Variants in TAOK3 observed in about 807,000 individuals in gnomAD.
TAOK3 encodes serine/threonine-protein kinase TAO3.
A neutral mutation model predicts 120.4 loss-of-function variants in TAOK3; 40 were observed. The ratio of observed to expected loss-of-function variants is 0.33; its 90% confidence interval spans 0.26 to 0.43. The LOEUF (loss-of-function observed/expected upper bound fraction) is 0.43. Among genes scored for constraint, TAOK3 ranks in the 20% least tolerant of loss-of-function variants. TAOK3 has a pLI of 1.00. For synonymous variants in TAOK3, 355 were observed against 387.5 expected, an observed-to-expected ratio of 0.92 and a Z score of 0.99; for missense variants, 821 against 1,112.1, an observed-to-expected ratio of 0.74 and a Z score of 3.72.
chr12:118,246,007 T>C (rs867727732), intron 3 of TAOK3: 18 of 606,054 alleles, frequency 3.0e-5, no homozygotes, highest in Middle Eastern at 4.4e-4. Context: ...AATCCAATTT[T>C]TGCAAAATAG....
intron 1 of TAOK3, among the ~76,000 whole-genome samples, chr12:118,277,929 G>A (rs535422483): frequency 2.8e-4 from 43 of 152,156 alleles, no homozygotes; most frequent in African/African-American, 9.9e-4. Flanking sequence ...TGGGTACAAA[G>A]GTCAACACCT....
rs1318888018 is a variant in TAOK3, at chr12:118,197,710, C to T, written c.1194+1341G>A. On this transcript the variant is annotated intron_variant, in intron 13 of 20. Transcript: ENST00000392533. ...TTTTTTTTTTTTTTTTTTTTTGAGA[C>T]GGAGTCTCACTGTGTTGCCCAAGCT... Among the ~76,000 whole-genome samples, 6 of 102,152 alleles carry T rather than the reference C, an allele frequency of 5.9e-5. No homozygotes were observed. In the East Asian group the frequency reaches 8.6e-4, roughly 15 times the overall value. The allele number at this position is 102,152 out of a possible 152,430, so 67.0% of individuals were successfully genotyped here. A position where few individuals can be genotyped will look rare whatever the true frequency, so the allele number is the denominator to read the frequency against.
At chr12:118,254,821 A>T (rs1170362961) in intron 3 of TAOK3, among the ~76,000 whole-genome samples, 1 of 152,072 alleles carries the variant, frequency 6.6e-6, no homozygotes, top group Non-Finnish European at 1.5e-5. Flanking sequence ...GCAGTGGCAC[A>T]ATCTTGGCTC....
chr12:118,330,118 C>T (rs1410217305), intron 1 of TAOK3, among the ~76,000 whole-genome samples: 1 of 152,090 alleles, frequency 6.6e-6, no homozygotes, highest in Admixed American at 6.5e-5. Context: ...ACTCTCATTT[C>T]CTGTCTTCTT....
intron 1 of TAOK3, among the ~76,000 whole-genome samples, chr12:118,275,691 G>A (rs146146537): frequency 1.4e-4 from 22 of 152,090 alleles, no homozygotes; most frequent in African/African-American, 5.3e-4. Flanking sequence ...TATTCATCTG[G>A]CACTGAACAA....
At chr12:118,168,835 A>C (rs1233187213) in intron 17 of TAOK3, among the ~76,000 whole-genome samples, 2 of 152,206 alleles carry the variant, frequency 1.3e-5, no homozygotes, top group Non-Finnish European at 2.9e-5. Flanking sequence ...TTAGAATAAC[A>C]ATAAATGTTA....
At chr12:118,226,449 G>T (rs981318855) in intron 9 of TAOK3, among the ~76,000 whole-genome samples, 1 of 151,528 alleles carries the variant, frequency 6.6e-6, no homozygotes, top group African/African-American at 2.4e-5. Flanking sequence ...CAGGAGAATC[G>T]CTTGAACCCG....
intron 14 of TAOK3, among the ~76,000 whole-genome samples, chr12:118,183,542 T>C (rs927276568): frequency 2.0e-5 from 3 of 152,094 alleles, no homozygotes; most frequent in East Asian, 1.9e-4. Context: ...TATCAGAAAA[T>C]GTGTTTTTTT....
At chr12:118,237,451 G>A (rs570887452) in intron 7 of TAOK3, among the ~76,000 whole-genome samples, 1 of 152,234 alleles carries the variant, frequency 6.6e-6, no homozygotes, top group Admixed American at 6.5e-5. Flanking sequence ...GGAGGAGAGT[G>A]TGGTTGTGGT....
chr12:118,195,041 C>A (rs1480337614), intron 13 of TAOK3, among the ~76,000 whole-genome samples: 1 of 152,062 alleles, frequency 6.6e-6, no homozygotes, highest in East Asian at 1.9e-4. Context: ...GCCACCGTGC[C>A]TGGCCAGTAG....
chr12:118,210,859 C>T (rs1302160204), intron 11 of TAOK3, among the ~76,000 whole-genome samples: 2 of 151,830 alleles, frequency 1.3e-5, no homozygotes, highest in Non-Finnish European at 2.9e-5. Context: ...CTGCCTTAGC[C>T]TCCTGAGTAG....
chr12:118,220,590 C>A (rs2039182319), intron 9 of TAOK3, among the ~76,000 whole-genome samples: 1 of 150,404 alleles, frequency 6.6e-6, no homozygotes, highest in Non-Finnish European at 1.5e-5. Flanking sequence ...ATAGGAGAAA[C>A]AGTGAAACAG....
intron 2 of TAOK3, among the ~76,000 whole-genome samples, chr12:118,263,956 C>T (rs1339582444): frequency 6.6e-6 from 1 of 152,148 alleles, no homozygotes; most frequent in Non-Finnish European, 1.5e-5. Context: ...ATCCCAGCTA[C>T]TCGGGAGGCT....
At chr12:118,205,914 ATC>A (rs1169143748) in intron 11 of TAOK3, among the ~76,000 whole-genome samples, 3 of 148,316 alleles carry the variant, frequency 2.0e-5, no homozygotes, top group Non-Finnish European at 3.0e-5. Context: ...TTCAGACCCA[ATC>A]TCTCTCTCTC....
At chr12:118,338,575 C>T (rs982739046) in intron 1 of TAOK3, among the ~76,000 whole-genome samples, 1 of 151,396 alleles carries the variant, frequency 6.6e-6, no homozygotes, top group African/African-American at 2.4e-5. Context: ...ATCACAAGGT[C>T]AGGAGCTCGA....
chr12:118,258,425 A>G (rs1334379036), intron 2 of TAOK3, among the ~76,000 whole-genome samples: 4 of 152,190 alleles, frequency 2.6e-5, no homozygotes, highest in African/African-American at 9.6e-5. Flanking sequence ...ATGAGAGTTC[A>G]AAAACTGGCC....
At chr12:118,271,946 C>T (rs1012830871) in intron 1 of TAOK3, among the ~76,000 whole-genome samples, 15 of 152,178 alleles carry the variant, frequency 9.9e-5, no homozygotes, top group Non-Finnish European at 1.8e-4. Flanking sequence ...TGTAGAACTG[C>T]GCCAAGAATG....
intron 12 of TAOK3, chr12:118,199,746 A>C (rs1427390268): frequency 3.5e-5 from 6 of 172,106 alleles, no homozygotes; most frequent in Admixed American, 2.7e-4. Flanking sequence ...ATTATTGAGT[A>C]ACTTCATATC....
Position 118,233,693 on chromosome 12 carries a change from G to T in TAOK3, c.624C>A (p.Gly208=), listed in dbSNP as rs1482874611. 6.2e-7 allele frequency: 1 copy of T among 1,609,336 alleles called. No individual in the cohort carries two copies. The highest frequency in any genetic ancestry group is 1.7e-5 in the Admixed American group (1 of 59,420). ...ACTCACCCAATTCAATACAAGTGAT[G>T]CCAAGTGACCAAATATCAACTTTCC... ...YDGKVDIWSL[G]ITCIELAERK... is the part of the protein sequence containing the mutation. Residue 208 remains glycine (G), a synonymous_variant, in exon 9 of 21, where the codon GGC becomes GGA. Coordinates refer to ENST00000392533, the MANE Select transcript of TAOK3 (RefSeq NM_016281.4).
Sources: allele counts gnomAD v4.1 joint callset (sites outside exome capture counted in the v4.1 genomes callset), GRCh38; gene constraint gnomAD v4.1.1; transcripts MANE v1.5; gene names NCBI Gene and HGNC (gene_info 2026-07-23, HGNC 2026-07-21).